The following HIP1 variants were observed in gnomAD, a reference collection of about 807,000 sequenced individuals.
HIP1 encodes huntingtin interacting protein 1.
HIP1 carries 65 observed loss-of-function variants against 147.6 expected under a neutral mutation model. The ratio of observed to expected loss-of-function variants is 0.44; its 90% CI spans 0.36 to 0.54. The LOEUF is 0.54. HIP1 is among the 20% of genes least tolerant of loss of function. The pLI is 0.00. For synonymous variants in HIP1, 479 were observed against 504.0 expected (o/e 0.95, Z 0.67); for missense variants, 1,061 against 1,299.6 (o/e 0.82, Z 2.82).
chr7:75,570,448 C>T (rs1183826), intron 8 of HIP1, among the ~76,000 whole-genome samples: 7 of 151,278 alleles, frequency 4.6e-5, no homozygotes, highest in Non-Finnish European at 7.4e-5. Context: ...CCCGCCACCA[C>T]GCCCGGCTAA....
At chr7:75,614,161 T>C (rs925691963) in intron 1 of HIP1, among the ~76,000 whole-genome samples, 26 of 152,202 alleles carry the variant, frequency 1.7e-4, no homozygotes, top group African/African-American at 6.3e-4. Flanking sequence ...GTGATCCTCC[T>C]GCCTCAGCCT....
chr7:75,551,350 G>C (rs1202868063), intron 22 of HIP1, among the ~76,000 whole-genome samples: 2 of 150,348 alleles, frequency 1.3e-5, no homozygotes, highest in Non-Finnish European at 3.0e-5. Context: ...GGTATGTGCT[G>C]GGATTACAAA....
intron 1 of HIP1, chr7:75,626,371 A>G (rs1798038961): frequency 6.6e-6 from 1 of 152,260 alleles, no homozygotes; most frequent in Admixed American, 6.5e-5. Context: ...TTTCACCCCA[A>G]TAGTGGAAAA....
chr7:75,704,214 T>A (rs1800922232), intron 1 of HIP1, among the ~76,000 whole-genome samples: 1 of 152,196 alleles, frequency 6.6e-6, no homozygotes, highest in Non-Finnish European at 1.5e-5. Context: ...AGTTCTTACA[T>A]AACAGCCTTT....
At chr7:75,627,719 G>A (rs1798092294) in intron 1 of HIP1, among the ~76,000 whole-genome samples, 1 of 152,112 alleles carries the variant, frequency 6.6e-6, no homozygotes, top group Non-Finnish European at 1.5e-5. Context: ...AGATTTGTTG[G>A]ATATAAGAGG....
intron 22 of HIP1, 48 bp from the exon 23 acceptor site, chr7:75,549,049 C>T: frequency 1.5e-6 from 2 of 1,314,596 alleles, no homozygotes; most frequent in South Asian, 1.2e-5. Context: ...CCTCCTGTCT[C>T]TTCTCCTCTG....
chr7:75,616,092 A>AAAAAAAT, intron 1 of HIP1, among the ~76,000 whole-genome samples: 1 of 149,544 alleles, frequency 6.7e-6, no homozygotes, highest in African/African-American at 2.4e-5. Flanking sequence ...TCTCAAAAAA[A>AAAAAAAT]AAAAAAAAAA....
intron 1 of HIP1, among the ~76,000 whole-genome samples, chr7:75,604,970 G>C (rs1468814807): frequency 6.6e-6 from 1 of 152,138 alleles, no homozygotes. Flanking sequence ...GTGTATAGCT[G>C]AGAATCAGGA....
intron 1 of HIP1, among the ~76,000 whole-genome samples, chr7:75,735,206 C>T (rs1801978230): frequency 6.6e-6 from 1 of 152,214 alleles, no homozygotes; most frequent in Non-Finnish European, 1.5e-5. Context: ...GGCCCATGTA[C>T]ATGCCCAGCT....
In HIP1 at chr7:75,555,434, T is replaced by G; in HGVS notation, c.1945A>C (p.Ser649Arg). 1.2e-6 allele frequency: 2 copies of G among 1,613,854 alleles called. No homozygotes were observed. Among genetic ancestry groups the G allele is most frequent in the Non-Finnish European group, 1.7e-6 (2 of 1,180,034 alleles). The change falls in exon 19 of 31, where the codon AGC (serine) becomes CGC (arginine). Residue 649 changes from serine to arginine, a missense_variant. By Grantham distance (110) the Ser-to-Arg change is moderately radical (BLOSUM62 -1). Transcript: ENST00000336926. ...LNQLEEPPLI[S>R]CAGSADHLLS... Reference sequence around the variant, plus strand: ...AGTGTACCTGCAGACCCAGCGCAGCTGATGAGAGGAGGTTCTTCAAGCTGG... The same window carrying G: ...AGTGTACCTGCAGACCCAGCGCAGCGGATGAGAGGAGGTTCTTCAAGCTGG...
chr7:75,680,309 C>T (rs1230591016), intron 1 of HIP1, among the ~76,000 whole-genome samples: 1 of 152,114 alleles, frequency 6.6e-6, no homozygotes, highest in Non-Finnish European at 1.5e-5. Flanking sequence ...TCCCAAAGTG[C>T]TAGGATTACA....
chr7:75,556,887 A>C, intron 16 of HIP1, 76 bp from the exon 17 acceptor site: 10 of 909,274 alleles, frequency 1.1e-5, no homozygotes, highest in Non-Finnish European at 1.8e-5. Flanking sequence ...AAAACGTCCC[A>C]AGCGATCAAC....
At chr7:75,647,268 T>C (rs188411532) in intron 1 of HIP1, among the ~76,000 whole-genome samples, 1 of 133,080 alleles carries the variant, frequency 7.5e-6, no homozygotes, top group Non-Finnish European at 1.5e-5. Flanking sequence ...CATGGTGGCA[T>C]GCGCCTGTAA....
intron 7 of HIP1, among the ~76,000 whole-genome samples, chr7:75,578,059 A>G (rs1482074140): frequency 6.6e-6 from 1 of 152,186 alleles, no homozygotes; most frequent in Admixed American, 6.6e-5. Flanking sequence ...TGGCACAAAA[A>G]AGATGGCTGA....
intron 1 of HIP1, among the ~76,000 whole-genome samples, chr7:75,613,792 C>T (rs782584419): frequency 6.6e-4 from 100 of 152,332 alleles, no homozygotes; most frequent in Middle Eastern, 3.4e-3. Flanking sequence ...GTGGTGCAAA[C>T]GTGGCTCACT....
chr7:75,721,473 G>A (rs1423614506), intron 1 of HIP1, among the ~76,000 whole-genome samples: 4 of 151,184 alleles, frequency 2.6e-5, no homozygotes, highest in African/African-American at 7.3e-5. Context: ...AGGCTGCAGT[G>A]AGCTATGTTC....
At chr7:75,662,273 T>A (rs1222753972) in intron 1 of HIP1, among the ~76,000 whole-genome samples, 2 of 152,078 alleles carry the variant, frequency 1.3e-5, no homozygotes, top group Admixed American at 1.3e-4. Context: ...AGCCTGGAAC[T>A]CCTGGGCTCC....
At chr7:75,569,885 T>C (rs1171389668) in intron 8 of HIP1, among the ~76,000 whole-genome samples, 17 of 151,752 alleles carry the variant, frequency 1.1e-4, no homozygotes, top group Admixed American at 9.2e-4. Context: ...GGTGAGATTC[T>C]GGGGCAGAAA....
chr7:75,654,166 G>T (rs1024882307), intron 1 of HIP1, among the ~76,000 whole-genome samples: 1 of 151,994 alleles, frequency 6.6e-6, no homozygotes, highest in Middle Eastern at 3.2e-3. Flanking sequence ...AGGCCAAGGC[G>T]GGCGGATCAC....
Sources: gnomAD v4.1 joint callset for allele counts (sites outside exome capture counted in the v4.1 genomes callset) on GRCh38, gnomAD v4.1.1 for gene constraint, MANE v1.5 for transcripts, NCBI Gene and HGNC (gene_info 2026-07-23, HGNC 2026-07-21) for gene names.